The following TLL2 variants were observed in gnomAD, a reference collection of about 807,000 sequenced individuals.
The protein encoded by TLL2 is tolloid like 2.
Under a neutral mutation model 123.0 loss-of-function variants are expected in TLL2, and 106 were observed. That is an observed-to-expected ratio of 0.86 (90% CI 0.74 to 1.01). The LOEUF (loss-of-function observed/expected upper bound fraction) is 1.01, where lower values mean the gene tolerates loss of function less well. Among genes scored for constraint, TLL2 ranks in the 50% least tolerant of loss-of-function variants. TLL2 has a pLI of 0.00. For missense variants in TLL2, 1,332 were observed against 1,336.7 expected, an observed-to-expected ratio of 1.00 and a Z score of 0.06; for synonymous variants, 494 against 516.8, an observed-to-expected ratio of 0.96 and a Z score of 0.60.
chr10:96,472,084 T>C (rs71484218), intron 2 of TLL2, among the ~76,000 whole-genome samples: 68 of 152,228 alleles, frequency 4.5e-4, no homozygotes, highest in Non-Finnish European at 6.5e-4. Context: ...AAGACAGGGA[T>C]GTGTAAGAGA....
intron 2 of TLL2, among the ~76,000 whole-genome samples, chr10:96,449,290 C>T (rs988338109): frequency 6.6e-6 from 1 of 152,168 alleles, no homozygotes; most frequent in African/African-American, 2.4e-5. Context: ...TCCTTCTCTT[C>T]AGCCTCAGTC....
At chr10:96,495,073 TCCACTCCAATAACAAG>T (rs542583195) in intron 1 of TLL2, among the ~76,000 whole-genome samples, 1 of 152,152 alleles carries the variant, frequency 6.6e-6, no homozygotes, top group South Asian at 2.1e-4. Context: ...CTGCTGTTTG[TCCACTCCAATAACAAG>T]CCACTCCAAT....
intron 7 of TLL2, among the ~76,000 whole-genome samples, chr10:96,419,821 C>G (rs556580881): frequency 1.3e-5 from 2 of 152,274 alleles, no homozygotes; most frequent in East Asian, 3.9e-4. Flanking sequence ...CTCCCAAGAG[C>G]CATATGTTTT....
chr10:96,473,359 G>A (rs1847203612), intron 2 of TLL2, among the ~76,000 whole-genome samples: 1 of 152,164 alleles, frequency 6.6e-6, no homozygotes, highest in Admixed American at 6.5e-5. Context: ...AGAGGCTGAG[G>A]CAGGAGAATT....
chr10:96,398,257 C>T (rs895318117), intron 10 of TLL2, among the ~76,000 whole-genome samples: 1 of 152,158 alleles, frequency 6.6e-6, no homozygotes, highest in Non-Finnish European at 1.5e-5. Flanking sequence ...CTGCACCATT[C>T]TGAACTGGCC....
At chr10:96,405,473 G>C (rs1466611235) in intron 9 of TLL2, 139 bp from the exon 10 acceptor site, 1 of 733,024 alleles carries the variant, frequency 1.4e-6, no homozygotes, top group African/African-American at 1.7e-5. Context: ...TGTCTCAAAA[G>C]CATGCTCACA....
At chr10:96,467,699 T>TCAA (rs1382662071) in intron 2 of TLL2, among the ~76,000 whole-genome samples, 3 of 152,196 alleles carry the variant, frequency 2.0e-5, no homozygotes, top group African/African-American at 7.2e-5. Flanking sequence ...GCTTTAGATA[T>TCAA]CAACTACTAT....
chr10:96,508,556 C>T (rs1263233823), intron 1 of TLL2, among the ~76,000 whole-genome samples: 1 of 152,178 alleles, frequency 6.6e-6, no homozygotes, highest in Non-Finnish European at 1.5e-5. Context: ...ACCAAGCCAT[C>T]CACTGAAAAG....
chr10:96,389,314 C>T (rs754715976), intron 13 of TLL2, among the ~76,000 whole-genome samples: 19 of 152,286 alleles, frequency 1.2e-4, no homozygotes, highest in African/African-American at 3.4e-4. Flanking sequence ...TACAGACCAT[C>T]GGCACACAGA....
Position 96,384,594 on chromosome 10 carries a change from G to A in TLL2, c.2187C>T (p.Phe729=), listed in dbSNP as rs764790803. 106 of 1,592,022 alleles carry A rather than the reference G, an allele frequency of 6.7e-5. No individual in the cohort carries two copies. Among genetic ancestry groups the A allele is most frequent in the Non-Finnish European group, 8.9e-5 (104 of 1,165,518 alleles). ...ACCTCTGAACCCGCATACCTGAGAA[G>A]AAGTGGGCCCTGAAGCCGCGCTTGG... ...TVSKRGFRAH[F]FSDKDECAKD... Residue 729 remains phenylalanine, a synonymous_variant, in exon 16 of 21, where the codon TTC becomes TTT. Transcript: ENST00000357947.
At chr10:96,509,757 A>G (rs1847609693) in intron 1 of TLL2, among the ~76,000 whole-genome samples, 1 of 152,212 alleles carries the variant, frequency 6.6e-6, no homozygotes, top group Non-Finnish European at 1.5e-5. Flanking sequence ...ATCATCCAGG[A>G]TAACACGGTG....
In TLL2 at chr10:96,367,189, T is replaced by A. The variant is rs1213105210; in HGVS notation, c.*899A>T. On this transcript the variant is annotated 3_prime_UTR_variant, in exon 21 of 21. Coordinates refer to ENST00000357947, the MANE Select transcript of TLL2 (RefSeq NM_012465.4). ...TCTTTGCACATTTTGCAAATGCAGTTTGAATTGGATGTCAAGGAGTCCAGG... is the reference window on the plus strand; with the variant it reads ...TCTTTGCACATTTTGCAAATGCAGTATGAATTGGATGTCAAGGAGTCCAGG... The A allele has an allele frequency of 6.6e-6, 1 of 152,260 alleles. No individual in the cohort carries two copies. The highest frequency in any genetic ancestry group is 1.5e-5 in the Non-Finnish European group (1 of 68,044). The allele number at this position is 152,260 out of a possible 1,614,324, so 9.4% of individuals were successfully genotyped here. A position where few individuals can be genotyped will look rare whatever the true frequency, so the allele number is the denominator to read the frequency against.
At chr10:96,488,944 G>A (rs1354773789) in intron 1 of TLL2, among the ~76,000 whole-genome samples, 3 of 152,190 alleles carry the variant, frequency 2.0e-5, no homozygotes, top group East Asian at 1.9e-4. Context: ...GACACAATGC[G>A]TTCTTCATAG....
intron 1 of TLL2, among the ~76,000 whole-genome samples, chr10:96,493,220 C>T (rs138291122): frequency 2.0e-5 from 3 of 152,168 alleles, no homozygotes; most frequent in Non-Finnish European, 4.4e-5. Context: ...TCCTCCAGGC[C>T]CCCTCTCAAT....
chr10:96,406,955 G>A (rs1435167198), intron 9 of TLL2, among the ~76,000 whole-genome samples: 1 of 151,460 alleles, frequency 6.6e-6, no homozygotes, highest in Non-Finnish European at 1.5e-5. Context: ...CGCTCCTCCT[G>A]CCTCACCCCC....
intron 1 of TLL2, among the ~76,000 whole-genome samples, chr10:96,498,091 G>A (rs1362688997): frequency 6.6e-6 from 1 of 152,170 alleles, no homozygotes; most frequent in Non-Finnish European, 1.5e-5. Flanking sequence ...TGAGGACCAG[G>A]CACATCTCAT....
At chr10:96,453,111 A>G (rs1846977272) in intron 2 of TLL2, among the ~76,000 whole-genome samples, 1 of 152,226 alleles carries the variant, frequency 6.6e-6, no homozygotes, top group African/African-American at 2.4e-5. Flanking sequence ...AGGACTATAA[A>G]TTGGTAACAC....
chr10:96,427,758 A>G (rs1363316805), intron 5 of TLL2, among the ~76,000 whole-genome samples: 1 of 152,008 alleles, frequency 6.6e-6, no homozygotes, highest in African/African-American at 2.4e-5. Flanking sequence ...TGTATAGACC[A>G]TGTAGTTGGG....
chr10:96,383,417 C>T (rs549288516), intron 16 of TLL2, among the ~76,000 whole-genome samples: 101 of 152,222 alleles, frequency 6.6e-4, no homozygotes, highest in Admixed American at 5.9e-4. Flanking sequence ...ATCATGGAGG[C>T]GGTTTCCCCC....
Sources: allele counts gnomAD v4.1 joint callset (sites outside exome capture counted in the v4.1 genomes callset), GRCh38; gene constraint gnomAD v4.1.1; transcripts MANE v1.5; gene names NCBI Gene and HGNC (gene_info 2026-07-23, HGNC 2026-07-21).